Variants in CCDC187 observed in about 807,000 individuals in gnomAD.
The protein encoded by CCDC187 is coiled-coil domain containing 187, also known as coiled-coil domain-containing protein 187.
In CCDC187, 32 loss-of-function variants were observed where a neutral mutation model predicts 38.0. That is an observed-to-expected ratio of 0.84 (90% confidence interval 0.64 to 1.13). The LOEUF (loss-of-function observed/expected upper bound fraction) is 1.13. CCDC187 is among the 50% of genes most tolerant of loss of function. The pLI, the probability that CCDC187 is intolerant of heterozygous loss-of-function variation, is 0.00. For missense variants in CCDC187, 707 were observed against 786.8 expected (o/e 0.90, Z 1.21); for synonymous variants, 333 against 347.9 (o/e 0.96, Z 0.48).
In CCDC187 at chr9:136,286,473, C is replaced by G; in HGVS notation, c.2445G>C (p.Leu815=). Residue 815 remains leucine (L), a synonymous_variant, in exon 8 of 26, where the codon CTG becomes CTC. Transcript: ENST00000638797. ...GCTGCGCCTGCTTATGCCGGAGGTG[C>G]AGGGAGCTGGAAGTGCCCAGGTGCT... ...EAEHLGTSSS[L]HLRHKQAQLQ... 2 of 398,742 alleles carry G rather than the reference C, an allele frequency of 5.0e-6. No individual in the cohort carries two copies. Among genetic ancestry groups the G allele is most frequent in the Non-Finnish European group, 8.8e-6 (2 of 226,128 alleles). The allele number at this position is 398,742 out of a possible 1,614,324, so 24.7% of individuals were successfully genotyped here. A position where few individuals can be genotyped will look rare whatever the true frequency, so the allele number is the denominator to read the frequency against.
upstream of CCDC187, among the ~76,000 whole-genome samples, chr9:136,306,169 C>T (rs1831801682): frequency 1.3e-5 from 2 of 152,174 alleles, no homozygotes; most frequent in South Asian, 4.1e-4. Flanking sequence ...ATCCCCTGGG[C>T]AGGCCAGGCC....
In CCDC187 at chr9:136,281,657, A is replaced by G. The variant is rs1215070101; in HGVS notation, c.2934T>C (p.Tyr978=). ...TAGGGTGCAGCGTGGCTGGGCCCGC[A>G]TATGAGCTGGAAGACACAGGCACAC... ...QALSPSAGSS[Y]AGPATLHPIW... The change falls in exon 10 of 26, where the codon TAT becomes TAC. Residue 978 remains tyrosine (Y), a synonymous_variant. Transcript: ENST00000638797. 6 of 398,464 alleles carry G rather than the reference A, an allele frequency of 1.5e-5. 1 individual carries two copies. In the South Asian group the frequency reaches 5.1e-4, roughly 34 times the overall value. 24.7% of individuals were successfully genotyped at this position (398,464 alleles called of 1,614,324 possible).
At chr9:136,281,787 A>C (rs1831049828) in intron 9 of CCDC187, 124 bp from the exon 10 acceptor site, 3 of 397,408 alleles carry the variant, frequency 7.5e-6, no homozygotes, top group Non-Finnish European at 8.9e-6. Flanking sequence ...AGCAGCTCTC[A>C]GACCCCCAAC....
upstream of CCDC187, among the ~76,000 whole-genome samples, chr9:136,304,811 G>A (rs1301871223): frequency 6.6e-6 from 1 of 152,230 alleles, no homozygotes; most frequent in East Asian, 1.9e-4. Context: ...ATGATCATGA[G>A]CACGGATTTG....
At chr9:136,255,485 C>T (rs2131105607) in intron 25 of CCDC187, among the ~76,000 whole-genome samples, 172 bp downstream of exon 25, 1 of 152,350 alleles carries the variant, frequency 6.6e-6, no homozygotes, top group East Asian at 1.9e-4. Context: ...TCACTCACCT[C>T]CCCTGGCAAC....
At chr9:136,288,111 C>A (rs944816569) in intron 7 of CCDC187, among the ~76,000 whole-genome samples, 3 of 152,168 alleles carry the variant, frequency 2.0e-5, no homozygotes, top group Non-Finnish European at 4.4e-5. Flanking sequence ...GCAAACGGAG[C>A]CCGACGGTGG....
rs1421790572 is a variant in CCDC187, at chr9:136,289,204, T to C, written c.2222+755A>G. ...GCCAGACCCGTACTTGGTGATCCCATTTAGATAAAATGTCAAGAATAGGCA... is the reference window on the plus strand; with the variant it reads ...GCCAGACCCGTACTTGGTGATCCCACTTAGATAAAATGTCAAGAATAGGCA... On this transcript the variant is annotated intron_variant, in intron 7 of 25. Transcript: ENST00000638797. Among the ~76,000 whole-genome samples the C allele has an allele frequency of 3.9e-5, 6 of 152,118 alleles. No homozygotes were observed. The East Asian group carries it at 7.7e-4, about 20-fold the overall frequency.
rs1026015481 is a variant in CCDC187, at chr9:136,288,338, G to A, written c.2222+1621C>T. ...CCAAAAGGAGCCAGAGGGAGGGGTC[G>A]GGTCCTGCAGAGAGGGGTGGGAGCT... On this transcript the variant is annotated intron_variant, in intron 7 of 25. Transcript: ENST00000638797. 1.2e-3 allele frequency among the ~76,000 whole-genome samples: 180 copies of A among 152,262 alleles called. 2 individuals carry two copies. The highest frequency in any genetic ancestry group is 4.0e-3 in the African/African-American group (168 of 41,560).
chr9:136,293,656 A>G (rs979877626), intron 4 of CCDC187, among the ~76,000 whole-genome samples: 1 of 150,546 alleles, frequency 6.6e-6, no homozygotes, highest in Non-Finnish European at 1.5e-5. Context: ...ACTCATGCTC[A>G]CACTCTGTCA....
At chr9:136,271,042 C>G (rs1830831372) in intron 14 of CCDC187, among the ~76,000 whole-genome samples, 1 of 152,068 alleles carries the variant, frequency 6.6e-6, no homozygotes, top group South Asian at 2.1e-4. Context: ...TATACTGAAA[C>G]AGTTTGTGCC....
rs969592719 is a variant in CCDC187, at chr9:136,258,457, G to A, written c.4366+475C>T. Among the ~76,000 whole-genome samples, 5 of 152,130 alleles carry A rather than the reference G, an allele frequency of 3.3e-5. No individual in the cohort carries two copies. The highest frequency in any genetic ancestry group is 9.6e-5 in the African/African-American group (4 of 41,504). On this transcript the variant is annotated intron_variant, in intron 22 of 25. Transcript: ENST00000638797. This position sits in a 1 kb window ranked among gnomAD's most constrained non-coding sequence, Gnocchi z 4.3. ...CACAACCCCCCACTCTTCAGCCGGC[G>A]GCTACCAGACGCACCACCAGGGTTC...
intron 14 of CCDC187, among the ~76,000 whole-genome samples, chr9:136,272,442 C>T (rs1268729293): frequency 6.6e-6 from 1 of 152,184 alleles, no homozygotes; most frequent in East Asian, 1.9e-4. Context: ...GTGGCTCACG[C>T]CTGTAATCCC....
chr9:136,262,558 G>A, intron 18 of CCDC187, 96 bp from the exon 19 acceptor site: 2 of 951,604 alleles, frequency 2.1e-6, no homozygotes, highest in Non-Finnish European at 2.5e-6. Context: ...GCTGTGGCAG[G>A]GCTAGGGCAG....
At chr9:136,278,999 A>G (rs1167581024) in intron 10 of CCDC187, among the ~76,000 whole-genome samples, 1 of 152,188 alleles carries the variant, frequency 6.6e-6, no homozygotes, top group East Asian at 1.9e-4. Flanking sequence ...GCTAGTCTAC[A>G]TGTTTAAGTC....
At chr9:136,275,376 A>G (rs1475771725) in intron 12 of CCDC187, among the ~76,000 whole-genome samples, 1 of 151,986 alleles carries the variant, frequency 6.6e-6, no homozygotes, top group African/African-American at 2.4e-5. Context: ...CAGGGAGGGA[A>G]CAGGCAGGGA....
At chr9:136,289,316 G>A (rs1207596643) in intron 7 of CCDC187, among the ~76,000 whole-genome samples, 5 of 151,976 alleles carry the variant, frequency 3.3e-5, no homozygotes, top group Non-Finnish European at 5.9e-5. Flanking sequence ...TTGGGAGTTC[G>A]AGACTAGCCT....
intron 4 of CCDC187, among the ~76,000 whole-genome samples, chr9:136,294,017 C>T (rs1470995042): frequency 3.3e-5 from 5 of 151,602 alleles, no homozygotes; most frequent in Non-Finnish European, 5.9e-5. Flanking sequence ...CACGCCCTCA[C>T]ATGCTCTCAC....
At chr9:136,283,550 T>C (rs1228597644) in intron 9 of CCDC187, among the ~76,000 whole-genome samples, 2 of 152,180 alleles carry the variant, frequency 1.3e-5, no homozygotes, top group Non-Finnish European at 2.9e-5. Context: ...GGTTCATGAA[T>C]ATGATTCCGC....
rs979052523 is a variant in CCDC187 at position 136,281,427 on chromosome 9, G to A, written c.3040+124C>T. 7.7e-4 allele frequency: 306 copies of A among 398,524 alleles called. 1 individual carries two copies. In the East Asian group the frequency reaches 9.2e-3, roughly 12 times the overall value. 24.7% of individuals were successfully genotyped at this position (398,524 alleles called of 1,614,324 possible). A position where few individuals can be genotyped will look rare whatever the true frequency, so the allele number is the denominator to read the frequency against. On this transcript the variant is annotated intron_variant, in intron 10 of 25. Transcript: ENST00000638797. Reference sequence around the variant, plus strand: ...ATAACGAGGCGTGGATGCTCTCCACGTGGAAAAGGATTTCTCTACCCCGTA... The same window carrying A: ...ATAACGAGGCGTGGATGCTCTCCACATGGAAAAGGATTTCTCTACCCCGTA...
Sources: gnomAD v4.1 joint callset for allele counts (sites outside exome capture counted in the v4.1 genomes callset) on GRCh38, gnomAD v4.1.1 for gene constraint, Gnocchi (gnomAD v3.1) non-coding constraint, MANE v1.5 for transcripts, NCBI Gene and HGNC (gene_info 2026-07-23, HGNC 2026-07-21) for gene names.